Variants in LMNTD1 observed in about 807,000 individuals in gnomAD.
LMNTD1 encodes lamin tail domain-containing protein 1.
LMNTD1 carries 35 observed loss-of-function variants against 50.9 expected under a neutral mutation model. That is an observed-to-expected ratio of 0.69 (90% CI 0.53 to 0.91). The LOEUF (loss-of-function observed/expected upper bound fraction) is 0.91. Among genes scored for constraint, LMNTD1 ranks in the 40% least tolerant of loss-of-function variants. The probability of loss-of-function intolerance (pLI) is 0.00; values close to 1 mark genes in which losing one functional copy is unlikely to be tolerated. For missense variants in LMNTD1, 470 were observed against 475.5 expected, an observed-to-expected ratio of 0.99 and a Z score of 0.11; for synonymous variants, 153 against 161.9, an observed-to-expected ratio of 0.94 and a Z score of 0.42.
At chr12:25,620,727 C>T (rs889242702) in intron 1 of LMNTD1, among the ~76,000 whole-genome samples, 1 of 152,148 alleles carries the variant, frequency 6.6e-6, no homozygotes, top group African/African-American at 2.4e-5. Flanking sequence ...ACTGGGTCCC[C>T]GCTTCTCTCC....
chr12:25,646,975 A>C (rs1417188383), intron 1 of LMNTD1, among the ~76,000 whole-genome samples: 1 of 152,244 alleles, frequency 6.6e-6, no homozygotes, highest in African/African-American at 2.4e-5. Context: ...CCCATCAACT[A>C]GTAAAAAGCA....
At chr12:25,614,699 GT>G (rs1400523923) in intron 1 of LMNTD1, among the ~76,000 whole-genome samples, 1 of 152,184 alleles carries the variant, frequency 6.6e-6, no homozygotes, top group Non-Finnish European at 1.5e-5. Context: ...ACTTGAAAGT[GT>G]GCTTGGCAAA....
At chr12:25,576,005 A>T (rs1172827307) in intron 1 of LMNTD1, among the ~76,000 whole-genome samples, 1 of 152,172 alleles carries the variant, frequency 6.6e-6, no homozygotes, top group Non-Finnish European at 1.5e-5. Flanking sequence ...CCATGTCCCT[A>T]CAAAGGGCAG....
rs1417919906 is a variant in LMNTD1 at position 25,527,650 on chromosome 12, A to AT, written c.492-696dup. On this transcript the variant is annotated intron_variant, in intron 4 of 9. Transcript: ENST00000458174. Reference sequence around the variant, plus strand: ...AGGCACTTAATAACACTATATATATATATATATATATATATATATATATAT... The same window carrying AT: ...AGGCACTTAATAACACTATATATATATTATATATATATATATATATATATAT... 4.3e-3 allele frequency among the ~76,000 whole-genome samples: 195 copies of AT among 45,506 alleles called. 4 individuals are homozygous for AT. Among genetic ancestry groups the AT allele is most frequent in the African/African-American group, 0.018 (190 of 10,374 alleles). The allele number at this position is 45,506 out of a possible 152,430, so 29.9% of individuals were successfully genotyped here.
chr12:25,539,401 GA>G (rs1452741048), intron 4 of LMNTD1, among the ~76,000 whole-genome samples: 2 of 151,850 alleles, frequency 1.3e-5, no homozygotes, highest in African/African-American at 4.8e-5. Flanking sequence ...AATCAAACTA[GA>G]ACTCAGGATT....
chr12:25,521,479 A>C (rs999758643), intron 6 of LMNTD1, among the ~76,000 whole-genome samples: 1 of 152,208 alleles, frequency 6.6e-6, no homozygotes, highest in Non-Finnish European at 1.5e-5. Flanking sequence ...AGCGAACTAC[A>C]TGATGAGGAT....
chr12:25,520,804 T>A (rs1184405762), intron 6 of LMNTD1, among the ~76,000 whole-genome samples: 4 of 152,212 alleles, frequency 2.6e-5, no homozygotes, highest in Non-Finnish European at 4.4e-5. Context: ...GCTGCACCAA[T>A]CTACATTCCT....
chr12:25,534,012 C>A (rs1350065710), intron 4 of LMNTD1, among the ~76,000 whole-genome samples: 1 of 152,130 alleles, frequency 6.6e-6, no homozygotes, highest in Non-Finnish European at 1.5e-5. Flanking sequence ...GAGAAGTTAG[C>A]CTTCTTAATA....
intron 4 of LMNTD1, among the ~76,000 whole-genome samples, chr12:25,532,505 T>C (rs943375671): frequency 6.6e-6 from 1 of 152,130 alleles, no homozygotes; most frequent in Non-Finnish European, 1.5e-5. Flanking sequence ...GCTTTCAAAA[T>C]TGGCAGCTGT....
chr12:25,587,732 A>G (rs147568237), intron 1 of LMNTD1, among the ~76,000 whole-genome samples: 1 of 152,072 alleles, frequency 6.6e-6, no homozygotes. Flanking sequence ...AGAAATCACT[A>G]TTTTTTTCTT....
rs530598271 is a variant in LMNTD1 at position 25,500,776 on chromosome 12, G to A, written c.*22+2962C>T. 2.0e-5 allele frequency among the ~76,000 whole-genome samples: 3 copies of A among 152,244 alleles called. No individual in the cohort carries two copies. In the East Asian group the frequency reaches 5.8e-4, roughly 29 times the overall value. On this transcript the variant is annotated intron_variant, in intron 9 of 9. Transcript: ENST00000458174. ...CCAGAATTCTCTTAACTTGCGAAAA[G>A]TTCTGTTTCTGTGGCATTCTTTGGC...
At chr12:25,564,253 C>T (rs921848591) in intron 1 of LMNTD1, among the ~76,000 whole-genome samples, 49 of 152,216 alleles carry the variant, frequency 3.2e-4, no homozygotes, top group African/African-American at 1.0e-3. Context: ...TGTTCCTATT[C>T]GGCCATCTTG....
intron 1 of LMNTD1, among the ~76,000 whole-genome samples, chr12:25,617,496 G>A (rs899803490): frequency 1.3e-5 from 2 of 152,140 alleles, no homozygotes; most frequent in Non-Finnish European, 2.9e-5. Flanking sequence ...GGTAATAGAG[G>A]GAAGGCAGGG....
intron 3 of LMNTD1, 102 bp downstream of exon 3, chr12:25,549,224 A>G: frequency 1.6e-6 from 1 of 609,674 alleles, no homozygotes; most frequent in Non-Finnish European, 2.8e-6. Flanking sequence ...ATTTTGGGGG[A>G]GTAATAATAA....
At chr12:25,630,493 G>A (rs1401935576) in intron 1 of LMNTD1, 2 of 152,232 alleles carry the variant, frequency 1.3e-5, no homozygotes, top group African/African-American at 4.8e-5. Context: ...CAAATACTGA[G>A]TGTCCCAAAT....
At chr12:25,476,989 T>A (rs185149332) in intron 9 of LMNTD1, among the ~76,000 whole-genome samples, 2 of 152,218 alleles carry the variant, frequency 1.3e-5, no homozygotes, top group African/African-American at 4.8e-5. Context: ...CACACCAAGG[T>A]GAGTTTCCTG....
Position 25,519,879 on chromosome 12 carries a change from T to G in LMNTD1, c.995A>C (p.Gln332Pro). 1.2e-6 allele frequency: 2 copies of G among 1,611,002 alleles called. No homozygotes were observed. Among genetic ancestry groups the G allele is most frequent in the Non-Finnish European group, 1.7e-6 (2 of 1,178,894 alleles). ...KKDISNYQVE[Q>P]AQVLLKREKE... ...TTACCTCTTAAGAAGAACTTGAGCT[T>G]GTTCCACCTGATAATTTGAGATATC... The change falls in exon 7 of 10, where the codon CAA becomes CCA. Residue 332 changes from glutamine (Q) to proline (P), a missense_variant. Transcript: ENST00000458174.
At chr12:25,527,993 T>G (rs1941937473) in intron 4 of LMNTD1, among the ~76,000 whole-genome samples, 1 of 152,020 alleles carries the variant, frequency 6.6e-6, no homozygotes, top group Non-Finnish European at 1.5e-5. Flanking sequence ...TTGATACTTT[T>G]GTAATCCCTG....
At chr12:25,510,408 A>G (rs1001735525) in intron 8 of LMNTD1, among the ~76,000 whole-genome samples, 5 of 152,028 alleles carry the variant, frequency 3.3e-5, no homozygotes, top group African/African-American at 9.7e-5. Context: ...TATGATGTAC[A>G]TAGATGTGGT....
Sources: allele counts gnomAD v4.1 joint callset (sites outside exome capture counted in the v4.1 genomes callset), GRCh38; gene constraint gnomAD v4.1.1; transcripts MANE v1.5; gene names NCBI Gene and HGNC (gene_info 2026-07-23, HGNC 2026-07-21).